Variants in CRADD observed in about 807,000 individuals in gnomAD.
CRADD encodes the protein CARD and death domain containing adaptor protein, also known as death domain-containing protein CRADD.
A neutral mutation model predicts 15.5 loss-of-function variants in CRADD; 9 were observed. The observed-to-expected ratio is 0.58, with a 90% CI of 0.35 to 1.01. The LOEUF (loss-of-function observed/expected upper bound fraction) is 1.01, where lower values mean the gene tolerates loss of function less well. Ranked by LOEUF, CRADD falls within the 50% of genes least tolerant of loss-of-function variation. The pLI, the probability that CRADD is intolerant of heterozygous loss-of-function variation, is 0.02. For synonymous variants in CRADD, 118 were observed against 107.6 expected (o/e 1.10, Z -0.60); for missense variants, 227 against 250.3 (o/e 0.91, Z 0.63).
intron 2 of CRADD, among the ~76,000 whole-genome samples, chr12:93,846,988 A>G (rs1015182617): frequency 6.6e-6 from 1 of 152,228 alleles, no homozygotes; most frequent in African/African-American, 2.4e-5. Flanking sequence ...CTGTAGTCCC[A>G]GCTGCTCCGG....
chr12:93,819,822 G>C (rs1957749260), intron 2 of CRADD, among the ~76,000 whole-genome samples: 1 of 152,192 alleles, frequency 6.6e-6, no homozygotes. Context: ...TTTCATATTA[G>C]AGTTAGCCAA....
At position 93,698,921 on chromosome 12, in the gene CRADD, G is replaced by A. The variant is rs75480454; in HGVS notation, c.298+19849G>A. On this transcript the variant is annotated intron_variant, in intron 2 of 2. Coordinates refer to ENST00000332896, the MANE Select transcript of CRADD (RefSeq NM_003805.5). Reference sequence around the variant, plus strand: ...GCTGCTTTCACAATACACCAGCAGGGCAGAGTCAGGTAGCTGCAACAGAGA... The same window carrying A: ...GCTGCTTTCACAATACACCAGCAGGACAGAGTCAGGTAGCTGCAACAGAGA... Among the ~76,000 whole-genome samples the A allele has an allele frequency of 9.4e-4, 143 of 152,220 alleles. 2 individuals are homozygous for A. The East Asian group carries it at 0.026, about 28-fold the overall frequency.
intron 2 of CRADD, among the ~76,000 whole-genome samples, chr12:93,884,689 A>G (rs913048726): frequency 1.3e-5 from 2 of 152,108 alleles, no homozygotes; most frequent in African/African-American, 4.8e-5. Flanking sequence ...TTTTTGCCCA[A>G]TAAATTCCTC....
At chr12:93,678,537 G>C (rs1404090551) in intron 1 of CRADD, among the ~76,000 whole-genome samples, 1 of 151,858 alleles carries the variant, frequency 6.6e-6, no homozygotes, top group African/African-American at 2.4e-5. Flanking sequence ...GGACCCCATT[G>C]TGTGAAAAGC....
downstream of CRADD, among the ~76,000 whole-genome samples, chr12:93,854,043 A>C (rs1308971291): frequency 6.6e-6 from 1 of 152,138 alleles, no homozygotes; most frequent in African/African-American, 2.4e-5. Context: ...ACATATTTTA[A>C]TTTTGTTCTC....
intron 2 of CRADD, among the ~76,000 whole-genome samples, chr12:93,716,198 A>AT (rs1382456905): frequency 1.3e-5 from 2 of 151,548 alleles, no homozygotes; most frequent in Non-Finnish European, 2.9e-5. Flanking sequence ...TATAAAGTTT[A>AT]TTTTTTATTA....
At chr12:93,828,250 A>G (rs1281773633) in intron 2 of CRADD, among the ~76,000 whole-genome samples, 1 of 152,172 alleles carries the variant, frequency 6.6e-6, no homozygotes, top group Non-Finnish European at 1.5e-5. Flanking sequence ...TTTCCTAGTC[A>G]GTGGTTTGTC....
intron 2 of CRADD, among the ~76,000 whole-genome samples, chr12:93,809,106 GT>G (rs1351321893): frequency 7.0e-6 from 1 of 143,616 alleles, no homozygotes; most frequent in Non-Finnish European, 1.5e-5. Flanking sequence ...TGGAAACAGA[GT>G]TTCACCTTGT....
At chr12:93,689,332 C>A (rs1955512615) in intron 2 of CRADD, among the ~76,000 whole-genome samples, 1 of 152,076 alleles carries the variant, frequency 6.6e-6, no homozygotes, top group Non-Finnish European at 1.5e-5. Context: ...GCTGTTATAG[C>A]TAGCTGTGGG....
intron 2 of CRADD, among the ~76,000 whole-genome samples, chr12:93,731,983 A>G (rs1956472992): frequency 6.6e-6 from 1 of 152,124 alleles, no homozygotes; most frequent in Non-Finnish European, 1.5e-5. Flanking sequence ...CTAAAAATAT[A>G]AAATTAGCCA....
At chr12:93,686,304 C>CAAA (rs59096792) in intron 2 of CRADD, among the ~76,000 whole-genome samples, 91 of 65,962 alleles carry the variant, frequency 1.4e-3, no homozygotes, top group African/African-American at 4.2e-3. Context: ...CCATCCCCCC[C>CAAA]AAAAAAAAAA....
intron 2 of CRADD, among the ~76,000 whole-genome samples, chr12:93,876,274 GATT>G (rs1958457353): frequency 6.6e-6 from 1 of 152,034 alleles, no homozygotes; most frequent in African/African-American, 2.4e-5. Flanking sequence ...TTGTGAGTTT[GATT>G]ATTAAATGGC....
intron 2 of CRADD, among the ~76,000 whole-genome samples, chr12:93,861,039 A>C (rs1958315710): frequency 6.6e-6 from 1 of 152,154 alleles, no homozygotes; most frequent in Non-Finnish European, 1.5e-5. Context: ...TTTAATATGC[A>C]TACATTTATC....
chr12:93,779,430 AG>A (rs765659668), intron 2 of CRADD, among the ~76,000 whole-genome samples: 6 of 152,178 alleles, frequency 3.9e-5, no homozygotes, highest in African/African-American at 7.2e-5. Context: ...TATATTTCAA[AG>A]GAAAAAAACA....
intron 2 of CRADD, among the ~76,000 whole-genome samples, chr12:93,736,994 A>G (rs1956581718): frequency 6.6e-6 from 1 of 152,258 alleles, no homozygotes; most frequent in Admixed American, 6.5e-5. Context: ...GACCAGACAT[A>G]TGAGCAAACA....
chr12:93,799,452 T>A (rs1345647674), intron 2 of CRADD, among the ~76,000 whole-genome samples: 1 of 152,238 alleles, frequency 6.6e-6, no homozygotes. Flanking sequence ...TACCCTCTTG[T>A]CACCTCTCTT....
intron 2 of CRADD, among the ~76,000 whole-genome samples, chr12:93,838,578 T>C (rs1958008781): frequency 6.8e-6 from 1 of 147,888 alleles, no homozygotes; most frequent in African/African-American, 2.6e-5. Context: ...TTTTTTTTTT[T>C]CCTTTGCGCT....
chr12:93,821,915 C>T (rs764702079), intron 2 of CRADD, among the ~76,000 whole-genome samples: 59 of 151,808 alleles, frequency 3.9e-4, no homozygotes, highest in Admixed American at 1.5e-3. Context: ...GCCAAGAGTT[C>T]GAGACCAGCC....
chr12:93,729,564 A>G (rs189195505), intron 2 of CRADD, among the ~76,000 whole-genome samples: 49 of 152,280 alleles, frequency 3.2e-4, no homozygotes, highest in African/African-American at 1.2e-3. Flanking sequence ...AGGCGGGCAG[A>G]TCACCTGAGG....
Sources: gnomAD v4.1 joint callset for allele counts (sites outside exome capture counted in the v4.1 genomes callset) on GRCh38, gnomAD v4.1.1 for gene constraint, MANE v1.5 for transcripts, NCBI Gene and HGNC (gene_info 2026-07-23, HGNC 2026-07-21) for gene names.